The following PXK variants were observed in gnomAD, a reference collection of about 807,000 sequenced individuals.
The protein encoded by PXK is PX domain-containing protein kinase-like protein.
Under a neutral mutation model 84.7 loss-of-function variants are expected in PXK, and 35 were observed. That is an observed-to-expected ratio of 0.41 (90% CI 0.32 to 0.55). The LOEUF is 0.55. Among genes scored for constraint, PXK ranks in the 20% least tolerant of loss-of-function variants. PXK has a pLI of 0.21. For synonymous variants in PXK, 253 were observed against 260.8 expected (o/e 0.97, Z 0.29); for missense variants, 634 against 699.7 (o/e 0.91, Z 1.06).
rs62258140 is a variant in PXK at position 58,421,356 on chromosome 3, C to T, written c.1529-3396C>T. 342,342 of 963,498 alleles carry T rather than the reference C, an allele frequency of 0.36. 62,551 individuals are homozygous for T. Among genetic ancestry groups the T allele is most frequent in the Middle Eastern group, 0.41 (765 of 1,876 alleles). The allele number at this position is 963,498 out of a possible 1,614,324, so 59.7% of individuals were successfully genotyped here. On this transcript the variant is annotated intron_variant, in intron 17 of 17. Transcript: ENST00000356151. The surrounding 1 kb of genome is among the most constrained non-coding windows in gnomAD (Gnocchi z 5.5). ...CAGCACTTTGGGAGGCTGAGGCGGG[C>T]GGATCACAAGGATCAGGAGTTCAAG... is the stretch of plus-strand genomic sequence containing the variant.
intron 17 of PXK, among the ~76,000 whole-genome samples, chr3:58,415,194 G>A (rs1006612006): frequency 5.9e-5 from 9 of 152,088 alleles, no homozygotes; most frequent in African/African-American, 2.2e-4. Flanking sequence ...TAAGCAATCA[G>A]TTTTGCTATG....
intron 3 of PXK, among the ~76,000 whole-genome samples, chr3:58,372,484 G>A (rs985197005): frequency 2.6e-5 from 4 of 151,712 alleles, no homozygotes; most frequent in Admixed American, 6.6e-5. Flanking sequence ...CACCACGCCC[G>A]GCTAATTTTT....
At chr3:58,356,755 C>T (rs758125801) in intron 1 of PXK, among the ~76,000 whole-genome samples, 1 of 151,836 alleles carries the variant, frequency 6.6e-6, no homozygotes, top group Non-Finnish European at 1.5e-5. Flanking sequence ...AGATGCGTAC[C>T]TCCATGCCCG....
At chr3:58,410,976 C>T (rs1442632187) in intron 16 of PXK, among the ~76,000 whole-genome samples, 1 of 152,128 alleles carries the variant, frequency 6.6e-6, no homozygotes, top group Admixed American at 6.5e-5. Flanking sequence ...GGCACCATGG[C>T]GGGTAGAAAG....
In PXK at chr3:58,412,508, C is replaced by A. The variant is rs1255698343; in HGVS notation, c.1466-393C>A. Reference sequence around the variant, plus strand: ...CGGGGCACTCCCTTCCTTTGGAAGCCCCCAGCAGGCTGCTCTGCACCTCTC... The same window carrying A: ...CGGGGCACTCCCTTCCTTTGGAAGCACCCAGCAGGCTGCTCTGCACCTCTC... On this transcript the variant is annotated intron_variant, in intron 16 of 17. Transcript: ENST00000356151. The surrounding 1 kb of genome is among the most constrained non-coding windows in gnomAD (Gnocchi z 6.2). 6.6e-6 allele frequency among the ~76,000 whole-genome samples: 1 copy of A among 152,104 alleles called. No homozygotes were observed. The highest frequency in any genetic ancestry group is 2.4e-5 in the African/African-American group (1 of 41,410).
At chr3:58,340,248 G>T (rs1200593020) in intron 1 of PXK, among the ~76,000 whole-genome samples, 1 of 151,110 alleles carries the variant, frequency 6.6e-6, no homozygotes, top group Non-Finnish European at 1.5e-5. Context: ...TCAGCCTCCT[G>T]AGTAGCTGGA....
At position 58,385,497 on chromosome 3, in the gene PXK, G is replaced by A. The variant is rs146644722; in HGVS notation, c.388+2797G>A. 1.6e-3 allele frequency among the ~76,000 whole-genome samples: 243 copies of A among 152,162 alleles called. 4 individuals carry two copies. In the East Asian group the frequency reaches 0.043, roughly 27 times the overall value. ...TTGTGGCACTTCTCTAAGCAGGGCC[G>A]CTTTCCCTGTTTGTTTTTTGAGCAA... On this transcript the variant is annotated intron_variant, in intron 4 of 17. Coordinates refer to ENST00000356151, the MANE Select transcript of PXK (RefSeq NM_017771.5). The surrounding 1 kb of genome is among the most constrained non-coding windows in gnomAD (Gnocchi z 5.1).
Position 58,426,007 on chromosome 3 carries a change from A to G in PXK, c.*1047A>G, listed in dbSNP as rs967681963. On this transcript the variant is annotated 3_prime_UTR_variant, in exon 18 of 18. Coordinates refer to ENST00000356151, the MANE Select transcript of PXK (RefSeq NM_017771.5). ...GTTATGTCAGCTGTATTTTTTATTA[A>G]AATCATGTCAAGAAAACGTGTTGTC... The G allele has an allele frequency of 6.6e-6, 1 of 152,216 alleles. No homozygotes were observed. The highest frequency in any genetic ancestry group is 1.5e-5 in the Non-Finnish European group (1 of 68,044). The allele number at this position is 152,216 out of a possible 1,614,324, so 9.4% of individuals were successfully genotyped here.
intron 7 of PXK, among the ~76,000 whole-genome samples, chr3:58,392,728 C>G (rs1443839100): frequency 6.6e-6 from 1 of 150,812 alleles, no homozygotes; most frequent in Non-Finnish European, 1.5e-5. Flanking sequence ...GTGGTGCGAT[C>G]TCGGCTCACT....
Position 58,399,156 on chromosome 3 carries a change from C to A in PXK, c.1103-143C>A. ...CCAGCATTCCCCCACCCCACGTATG[C>A]CATCTGTCTGTGTGTGAAGATTTTT... On this transcript the variant is annotated intron_variant, in intron 11 of 17. Transcript: ENST00000356151. The surrounding 1 kb of genome is among the most constrained non-coding windows in gnomAD (Gnocchi z 4.3). 1.4e-6 allele frequency: 1 copy of A among 704,946 alleles called. No homozygotes were observed. The highest frequency in any genetic ancestry group is 2.1e-5 in the Admixed American group (1 of 47,616). The allele number at this position is 704,946 out of a possible 1,614,324, so 43.7% of individuals were successfully genotyped here.
rs763160655 is a variant in PXK, at chr3:58,332,963, AGGC to A, written c.-16_-14del. ...CCTCGGGTTCCTACCTCGCGTCCCTAGGCGGCGGCGGCCGGGCGTCCCGGGATG... is the reference window on the plus strand; with the variant it reads ...CCTCGGGTTCCTACCTCGCGTCCCTAGGCGGCGGCCGGGCGTCCCGGGATG... On this transcript the variant is annotated 5_prime_UTR_variant, in exon 1 of 18. Transcript: ENST00000356151. This position sits in a 1 kb window ranked among gnomAD's most constrained non-coding sequence, Gnocchi z 5.6. 7.6e-5 allele frequency: 101 copies of A among 1,331,642 alleles called. No individual in the cohort carries two copies. Among genetic ancestry groups the A allele is most frequent in the Middle Eastern group, 5.3e-4 (2 of 3,752 alleles). The allele number at this position is 1,331,642 out of a possible 1,614,324, so 82.5% of individuals were successfully genotyped here.
intron 3 of PXK, 95 bp downstream of exon 3, chr3:58,369,573 C>G (rs1356467606): frequency 1.0e-6 from 1 of 976,042 alleles, no homozygotes; most frequent in Non-Finnish European, 1.6e-6. Flanking sequence ...CGCCTGTAAT[C>G]CCAGCACTTG....
At chr3:58,366,323 T>C (rs1467024532) in intron 2 of PXK, among the ~76,000 whole-genome samples, 1 of 152,206 alleles carries the variant, frequency 6.6e-6, no homozygotes, top group Non-Finnish European at 1.5e-5. Flanking sequence ...CTACATTTTA[T>C]GGATCTCAGG....
chr3:58,419,321 G>A (rs1023798281), intron 17 of PXK, among the ~76,000 whole-genome samples: 1 of 152,212 alleles, frequency 6.6e-6, no homozygotes, highest in African/African-American at 2.4e-5. Context: ...GCTCGATCTT[G>A]GCTCACTGCA....
chr3:58,358,309 C>A (rs1040755275), intron 1 of PXK, among the ~76,000 whole-genome samples: 5 of 152,330 alleles, frequency 3.3e-5, no homozygotes, highest in African/African-American at 9.6e-5. Context: ...CTCCCACTGC[C>A]ACCCTGTGGT....
intron 17 of PXK, chr3:58,420,386 A>C: frequency 1.0e-6 from 1 of 993,266 alleles, no homozygotes. Context: ...TGCTGTGGTT[A>C]ATTTGAGTAT....
chr3:58,377,708 A>G (rs1343788916), intron 3 of PXK, among the ~76,000 whole-genome samples: 1 of 152,170 alleles, frequency 6.6e-6, no homozygotes, highest in African/African-American at 2.4e-5. Context: ...CCCTCCCGAA[A>G]TCAGTCTAGA....
intron 1 of PXK, among the ~76,000 whole-genome samples, chr3:58,363,758 T>C (rs1489761197): frequency 3.9e-5 from 6 of 152,226 alleles, no homozygotes; most frequent in African/African-American, 1.4e-4. Context: ...CTATTTTTAT[T>C]ACACTGGCTA....
rs2058515234 is a variant in PXK, at chr3:58,401,254, C to T, written c.1181+1877C>T. Among the ~76,000 whole-genome samples, 1 of 152,152 alleles carries T rather than the reference C, an allele frequency of 6.6e-6. No individual in the cohort carries two copies. Among genetic ancestry groups the T allele is most frequent in the Non-Finnish European group, 1.5e-5 (1 of 68,034 alleles). On this transcript the variant is annotated intron_variant, in intron 12 of 17. Transcript: ENST00000356151. The surrounding 1 kb of genome is among the most constrained non-coding windows in gnomAD (Gnocchi z 4.4). ...GTGTGGCTGAGGGACAGGCGGGGCC[C>T]TGAAGAGCCCTGTGGGGAAAGCTAA...
Sources: gnomAD v4.1 joint callset for allele counts (sites outside exome capture counted in the v4.1 genomes callset) on GRCh38, gnomAD v4.1.1 for gene constraint, Gnocchi (gnomAD v3.1) non-coding constraint, MANE v1.5 for transcripts, NCBI Gene and HGNC (gene_info 2026-07-23, HGNC 2026-07-21) for gene names.